FRMPD4: variants seen among roughly 807,000 people sequenced by gnomAD.
The protein encoded by FRMPD4 is FERM and PDZ domain-containing protein 4.
A neutral mutation model predicts 94.1 loss-of-function variants in FRMPD4; 22 were observed. The observed-to-expected ratio is 0.23, with a 90% CI of 0.17 to 0.33. The LOEUF is 0.33. FRMPD4 is among the 10% of genes least tolerant of loss of function. The probability of loss-of-function intolerance (pLI) is 1.00; values close to 1 mark genes in which losing one functional copy is unlikely to be tolerated. For missense variants in FRMPD4, 1,111 were observed against 1,339.9 expected (o/e 0.83, Z 2.67); for synonymous variants, 631 against 548.6 (o/e 1.15, Z -2.10).
intron 14 of FRMPD4, 33 bp downstream of exon 14, chrX:12,710,570 C>T: frequency 8.7e-7 from 1 of 1,155,524 alleles, no homozygotes; most frequent in Non-Finnish European, 1.2e-6. Context: ...AAGCACTGAC[C>T]TCCCTGCAAA....
chrX:12,075,617 A>G (rs1337817146), intron 3 of FRMPD4, among the ~76,000 whole-genome samples: 5 of 112,101 alleles, frequency 4.5e-5, no homozygotes, highest in Non-Finnish European at 9.4e-5. Context: ...CAGGTGCCCT[A>G]TGTCTCCTCA....
chrX:12,618,374 G>A (rs2059254962), intron 4 of FRMPD4, among the ~76,000 whole-genome samples: 1 of 111,525 alleles, frequency 9.0e-6, no homozygotes, highest in Non-Finnish European at 1.9e-5. Context: ...AGATACGTAG[G>A]CATGATTCTT....
chrX:12,481,647 A>T lies in FRMPD4; in HGVS notation c.42-17033A>T, dbSNP rs73438725. Among the ~76,000 whole-genome samples the T allele has an allele frequency of 4.4e-3, 482 of 110,304 alleles. 1 individual carries two copies. The highest frequency in any genetic ancestry group is 0.015 in the African/African-American group (453 of 30,384). On this transcript the variant is annotated intron_variant, in intron 1 of 16. Coordinates refer to ENST00000675598, the MANE Select transcript of FRMPD4 (RefSeq NM_001368397.1). ...TAGAATAAGGTAAGCTAGAGAAAAG[A>T]AAGTGTTATTGGGGCCCGGCGCGGT...
intron 1 of FRMPD4, among the ~76,000 whole-genome samples, chrX:12,410,772 C>T (rs1328383594): frequency 9.0e-6 from 1 of 111,466 alleles, no homozygotes; most frequent in East Asian, 2.8e-4. Flanking sequence ...AAGTAGTTGC[C>T]GTTCCTTCCT....
intron 1 of FRMPD4, among the ~76,000 whole-genome samples, chrX:12,145,638 G>A (rs1194791671): frequency 2.7e-5 from 3 of 113,065 alleles, no homozygotes; most frequent in South Asian, 7.3e-4. Flanking sequence ...ACACAGCCAT[G>A]CCCTTTTGTT....
intron 1 of FRMPD4, among the ~76,000 whole-genome samples, chrX:12,456,473 A>G (rs1369798616): frequency 1.8e-5 from 2 of 112,132 alleles, no homozygotes; most frequent in African/African-American, 6.5e-5. Context: ...CCAGTTTATC[A>G]GCATATCACT....
At chrX:11,840,983 G>C (rs755036076) in intron 1 of FRMPD4, among the ~76,000 whole-genome samples, 5 of 103,100 alleles carry the variant, frequency 4.8e-5, no homozygotes, top group African/African-American at 1.4e-4. Flanking sequence ...CTGTGAATGA[G>C]AATATGCGGT....
At chrX:12,487,483 CAAAAA>C (rs1376283406) in intron 1 of FRMPD4, among the ~76,000 whole-genome samples, 1 of 110,369 alleles carries the variant, frequency 9.1e-6, no homozygotes, top group Non-Finnish European at 1.9e-5. Context: ...TGTTTAAAGA[CAAAAA>C]AAGAAAAGGA....
chrX:11,915,745 AC>A (rs2054021361), intron 3 of FRMPD4, among the ~76,000 whole-genome samples: 2 of 111,683 alleles, frequency 1.8e-5, no homozygotes, highest in Non-Finnish European at 3.8e-5. Context: ...TAGTGAACTC[AC>A]CTCTGGAGTC....
rs1004755173 is a variant in FRMPD4 at position 12,074,781 on chromosome X, T to G, written c.95+196763T>G. On this transcript the variant is annotated intron_variant, in intron 3 of 18. Coordinates refer to the FRMPD4 transcript ENST00000640291. Reference sequence around the variant, plus strand: ...AAATACATTTGCTCTGTGTGGATCTTGCACCATGTCGAGTGACATAAATAA... The same window carrying G: ...AAATACATTTGCTCTGTGTGGATCTGGCACCATGTCGAGTGACATAAATAA... 8.1e-5 allele frequency among the ~76,000 whole-genome samples: 9 copies of G among 110,596 alleles called. No homozygotes were observed. In the East Asian group the frequency reaches 2.6e-3, roughly 32 times the overall value.
intron 1 of FRMPD4, among the ~76,000 whole-genome samples, chrX:12,316,900 C>G (rs765350145): frequency 4.5e-5 from 5 of 111,546 alleles, no homozygotes; most frequent in Non-Finnish European, 9.4e-5. Flanking sequence ...AAATCTTTTA[C>G]AGTTATGGTG....
chrX:12,138,761 C>A lies in FRMPD4; in HGVS notation c.-211C>A, dbSNP rs375314112. 2 of 357,598 alleles carry A rather than the reference C, an allele frequency of 5.6e-6. No individual in the cohort carries two copies. Among genetic ancestry groups the A allele is most frequent in the Middle Eastern group, 7.4e-4 (1 of 1,345 alleles). The allele number at this position is 357,598 out of a possible 1,213,427, so 29.5% of individuals were successfully genotyped here. ...CCTCGGGTGCCTATCAATGGTCCTG[C>A]TCGGGGATGCACACGCAGCTCGCGG... On this transcript the variant is annotated 5_prime_UTR_variant, in exon 1 of 17. Transcript: ENST00000675598.
chrX:12,055,137 G>A (rs1036462075), intron 3 of FRMPD4, among the ~76,000 whole-genome samples: 2 of 111,919 alleles, frequency 1.8e-5, no homozygotes, highest in South Asian at 3.7e-4. Flanking sequence ...TAAAGCTGGG[G>A]GATAAATTAT....
intron 2 of FRMPD4, among the ~76,000 whole-genome samples, chrX:12,562,931 T>C (rs1470473579): frequency 2.7e-5 from 3 of 112,434 alleles, no homozygotes; most frequent in Non-Finnish European, 5.6e-5. Flanking sequence ...ATTACAGGCA[T>C]GAGCTACCGT....
At chrX:12,473,627 A>G (rs771154811) in intron 1 of FRMPD4, among the ~76,000 whole-genome samples, 2 of 109,804 alleles carry the variant, frequency 1.8e-5, no homozygotes, top group East Asian at 5.6e-4. Flanking sequence ...AAGATCTACC[A>G]AGCAAATGGA....
intron 2 of FRMPD4, among the ~76,000 whole-genome samples, chrX:12,541,054 A>C (rs1237912274): frequency 1.8e-5 from 2 of 112,281 alleles, no homozygotes; most frequent in Non-Finnish European, 3.8e-5. Context: ...GAACAAAGAC[A>C]CAACAGACCA....
chrX:11,828,076 C>A lies in FRMPD4; in HGVS notation c.-161+5361C>A, dbSNP rs772591546. On this transcript the variant is annotated intron_variant, in intron 1 of 18. Coordinates refer to the FRMPD4 transcript ENST00000640291. ...TAGAGCACAGTAAAGAAGACATATG[C>A]CAACTGTGTTATCCCCATTAAAATT... is the stretch of plus-strand genomic sequence containing the variant. 8.0e-5 allele frequency among the ~76,000 whole-genome samples: 9 copies of A among 111,899 alleles called. No homozygotes were observed. In the South Asian group the frequency reaches 3.4e-3, roughly 42 times the overall value.
intron 2 of FRMPD4, among the ~76,000 whole-genome samples, chrX:12,512,037 C>T (rs1334810256): frequency 8.9e-6 from 1 of 111,879 alleles, no homozygotes; most frequent in East Asian, 2.8e-4. Flanking sequence ...CAGCCCCCAC[C>T]CTGAACAGTC....
chrX:12,034,064 G>A (rs1343690432), intron 3 of FRMPD4, among the ~76,000 whole-genome samples: 2 of 112,475 alleles, frequency 1.8e-5, no homozygotes, highest in African/African-American at 6.5e-5. Flanking sequence ...GGGGTGAAGA[G>A]GCCGTAGATT....
Sources: gnomAD v4.1 joint callset for allele counts (sites outside exome capture counted in the v4.1 genomes callset) on GRCh38, gnomAD v4.1.1 for gene constraint, MANE v1.5 for transcripts, NCBI Gene and HGNC (gene_info 2026-07-23, HGNC 2026-07-21) for gene names.